The following SDAD1 variants were observed in gnomAD, a reference collection of about 807,000 sequenced individuals.
SDAD1 encodes protein SDA1 homolog.
In SDAD1, 79 loss-of-function variants were observed where a neutral mutation model predicts 100.3. That is an observed-to-expected ratio of 0.79 (90% CI 0.66 to 0.95). SDAD1 has a LOEUF of 0.95. Among genes scored for constraint, SDAD1 ranks in the 40% least tolerant of loss-of-function variants. The pLI is 0.00. For synonymous variants in SDAD1, 267 were observed against 271.4 expected (o/e 0.98, Z 0.16); for missense variants, 790 against 810.9 (o/e 0.97, Z 0.31).
intron 14 of SDAD1, among the ~76,000 whole-genome samples, chr4:75,961,947 G>T (rs901330436): frequency 6.6e-6 from 1 of 152,114 alleles, no homozygotes; most frequent in Non-Finnish European, 1.5e-5. Context: ...TGTGCACAAC[G>T]TGCAGGTTTG....
chr4:75,959,686 G>A (rs187795369), intron 17 of SDAD1, among the ~76,000 whole-genome samples: 27 of 152,156 alleles, frequency 1.8e-4, no homozygotes, highest in Admixed American at 2.6e-4. Context: ...GGAGTTCCTC[G>A]AGTATTTGCC....
chr4:75,971,469 A>T lies in SDAD1; in HGVS notation c.712-11T>A, dbSNP rs765127454. ...TGTTGGTCCATCATCCTAAAGAAGA[A>T]ATTACTTTGTAAAATTGTAAACAAG... On this transcript the variant is annotated splice_polypyrimidine_tract_variant and intron_variant, in intron 8 of 21. Coordinates refer to ENST00000356260, the MANE Select transcript of SDAD1 (RefSeq NM_018115.4). 5.1e-6 allele frequency: 8 copies of T among 1,583,946 alleles called. No homozygotes were observed. The Admixed American group carries it at 6.8e-5, about 13-fold the overall frequency.
rs781252861 is a variant in SDAD1, at chr4:75,977,753, A to T, written c.298T>A (p.Phe100Ile). 5.6e-6 allele frequency: 9 copies of T among 1,597,844 alleles called. No individual in the cohort carries two copies. The African/African-American group carries it at 8.1e-5, about 14-fold the overall frequency. ...CTCAGCAAGATCAAAGCTTTGCAAA[A>T]TGTCTCGGGAAGGAAAAAAACATAC... The part of the protein sequence containing the change: ...TVLDPDLRMT[F>I]CKALILLRNK... Residue 100 changes from phenylalanine to isoleucine, a missense_variant, in exon 4 of 22, where the codon TTT becomes ATT. Physicochemically the swap from Phe to Ile is conservative, Grantham distance 21 (BLOSUM62 0). Transcript: ENST00000356260.
chr4:75,964,596 T>C (rs1008312166), intron 13 of SDAD1, among the ~76,000 whole-genome samples: 2 of 128,358 alleles, frequency 1.6e-5, no homozygotes, highest in Non-Finnish European at 3.5e-5. Flanking sequence ...GTCTCTTCTA[T>C]CTATTAAAAG....
At chr4:75,955,111 G>C (rs548592636) in intron 21 of SDAD1, among the ~76,000 whole-genome samples, 21 of 152,184 alleles carry the variant, frequency 1.4e-4, no homozygotes, top group African/African-American at 4.8e-4. Context: ...CTGTTTTAAG[G>C]CTCTGTTAGA....
Position 75,965,789 on chromosome 4 carries a change from G to A in SDAD1, c.1079C>T (p.Ala360Val). ...CTCTGGGGGTACTAGGTGATGAGAT[G>A]CTTGTGCAGCAAACAGAAGGATCTT... Reference protein sequence around the residue: ...VTKILLFAAQASHHLVPPEII... With the variant: ...VTKILLFAAQVSHHLVPPEII... Residue 360 changes from alanine (A) to valine (V), a missense_variant, in exon 13 of 22, where the codon GCA (alanine) becomes GTA (valine). Coordinates refer to ENST00000356260, the MANE Select transcript of SDAD1 (RefSeq NM_018115.4). The A allele has an allele frequency of 6.2e-7, 1 of 1,613,768 alleles. No individual in the cohort carries two copies. The highest frequency in any genetic ancestry group is 8.5e-7 in the Non-Finnish European group (1 of 1,179,814).
intron 12 of SDAD1, among the ~76,000 whole-genome samples, chr4:75,966,269 C>T (rs1235788556): frequency 0.11 from 4,700 of 41,214 alleles, 150 homozygotes; most frequent in African/African-American, 0.31. Flanking sequence ...TGAATGCATA[C>T]ACACACACAC....
intron 10 of SDAD1, 95 bp downstream of exon 10, chr4:75,970,214 G>A: frequency 3.0e-6 from 3 of 996,464 alleles, no homozygotes; most frequent in South Asian, 1.5e-5. Flanking sequence ...TCTACTAAAT[G>A]CCAGGGATCT....
Position 75,950,457 on chromosome 4 carries a change from T to A in SDAD1, c.*293A>T. 1 of 310,616 alleles carries A rather than the reference T, an allele frequency of 3.2e-6. No individual in the cohort carries two copies. Among genetic ancestry groups the A allele is most frequent in the Non-Finnish European group, 6.2e-6 (1 of 161,780 alleles). The allele number at this position is 310,616 out of a possible 1,614,324, so 19.2% of individuals were successfully genotyped here. ...CTGTCAATGCCTTGAGTGAAGGGGT[T>A]ACAGCTCATTCGTTTTGCATCTACA... On this transcript the variant is annotated 3_prime_UTR_variant, in exon 22 of 22. Coordinates refer to ENST00000356260, the MANE Select transcript of SDAD1 (RefSeq NM_018115.4).
At chr4:75,982,089 A>G in intron 1 of SDAD1, 52 bp from the exon 2 acceptor site, 1 of 1,071,086 alleles carries the variant, frequency 9.3e-7, no homozygotes. Context: ...TGACTTTCTC[A>G]GTACAGACAT....
At chr4:75,979,046 C>T (rs1252347767) in intron 3 of SDAD1, among the ~76,000 whole-genome samples, 1 of 139,402 alleles carries the variant, frequency 7.2e-6, no homozygotes, top group Non-Finnish European at 1.6e-5. Flanking sequence ...AAGAAGCTTC[C>T]CCTGGCAAGG....
At chr4:75,959,413 G>T (rs1729104740) in intron 17 of SDAD1, among the ~76,000 whole-genome samples, 1 of 152,140 alleles carries the variant, frequency 6.6e-6, no homozygotes, top group East Asian at 1.9e-4. Context: ...AGACCAGCCT[G>T]GCCAACATGG....
chr4:75,967,965 A>T (rs1321654809), intron 11 of SDAD1, among the ~76,000 whole-genome samples: 3 of 152,206 alleles, frequency 2.0e-5, no homozygotes, highest in Non-Finnish European at 1.5e-5. Context: ...ACTGGAAATA[A>T]ACTGGTCTTT....
intron 6 of SDAD1, 74 bp from the exon 7 acceptor site, chr4:75,974,207 A>C: frequency 1.7e-6 from 2 of 1,160,032 alleles, no homozygotes; most frequent in Non-Finnish European, 2.6e-6. Flanking sequence ...AATGGCACAA[A>C]ATAAATGATA....
chr4:75,950,836 G>A, intron 21 of SDAD1, 39 bp from the exon 22 acceptor site: 3 of 1,435,210 alleles, frequency 2.1e-6, no homozygotes, highest in Middle Eastern at 1.8e-4. Flanking sequence ...ATAACTCTTG[G>A]GTACCCTATT....
chr4:75,971,688 T>C (rs538443033), intron 8 of SDAD1, among the ~76,000 whole-genome samples: 3 of 152,004 alleles, frequency 2.0e-5, no homozygotes, highest in East Asian at 1.9e-4. Context: ...CTGGCCAACA[T>C]AGCAAAACTG....
intron 8 of SDAD1, among the ~76,000 whole-genome samples, chr4:75,971,943 T>A (rs1578133690): frequency 1.3e-5 from 2 of 151,212 alleles, no homozygotes. Context: ...AGCACTATTT[T>A]TTTTTTTTTT....
intron 9 of SDAD1, 73 bp downstream of exon 9, chr4:75,971,284 A>T: frequency 9.6e-7 from 1 of 1,039,638 alleles, no homozygotes; most frequent in Non-Finnish European, 1.5e-6. Flanking sequence ...TTAAATTCTT[A>T]AAAGCTCTGG....
chr4:75,968,887 C>A (rs1459618588), intron 11 of SDAD1, among the ~76,000 whole-genome samples: 2 of 151,680 alleles, frequency 1.3e-5, no homozygotes, highest in African/African-American at 4.8e-5. Flanking sequence ...AAAAAACTAG[C>A]CAGGTGTGGT....
Sources: gnomAD v4.1 joint callset for allele counts (sites outside exome capture counted in the v4.1 genomes callset) on GRCh38, gnomAD v4.1.1 for gene constraint, MANE v1.5 for transcripts, NCBI Gene and HGNC (gene_info 2026-07-23, HGNC 2026-07-21) for gene names.